SLC26A9: variants seen among roughly 807,000 people sequenced by gnomAD.
SLC26A9 encodes anion transporter/exchanger protein 9.
A neutral mutation model predicts 87.1 loss-of-function variants in SLC26A9; 46 were observed. That is an observed-to-expected ratio of 0.53 (90% confidence interval 0.42 to 0.67). The LOEUF (loss-of-function observed/expected upper bound fraction) is 0.67, where lower values mean the gene tolerates loss of function less well. Ranked by LOEUF, SLC26A9 falls within the 30% of genes least tolerant of loss-of-function variation. The pLI, the probability that SLC26A9 is intolerant of heterozygous loss-of-function variation, is 0.00. For synonymous variants in SLC26A9, 437 were observed against 409.1 expected (o/e 1.07, Z -0.82); for missense variants, 927 against 1,018.3 (o/e 0.91, Z 1.22).
intron 1 of SLC26A9, among the ~76,000 whole-genome samples, chr1:205,942,936 A>G (rs144657659): frequency 6.1e-4 from 93 of 152,342 alleles, no homozygotes; most frequent in Middle Eastern, 6.8e-3. Flanking sequence ...GGAGACAGCC[A>G]TGCAGAGTAG....
In SLC26A9 at chr1:205,915,284, A is replaced by G. The variant is rs1244231657; in HGVS notation, c.*73T>C. ...TTTCCTCCGCCCGACACCCCCTGTG[A>G]CCCCAGGCTCATCCTTTATGGAAGT... On this transcript the variant is annotated 3_prime_UTR_variant, in exon 21 of 21. Coordinates refer to ENST00000367135, the MANE Select transcript of SLC26A9 (RefSeq NM_052934.4). The G allele has an allele frequency of 4.4e-6, 7 of 1,607,774 alleles. No individual in the cohort carries two copies. Among genetic ancestry groups the G allele is most frequent in the Non-Finnish European group, 4.3e-6 (5 of 1,176,194 alleles).
intron 1 of SLC26A9, among the ~76,000 whole-genome samples, chr1:205,940,205 G>A (rs541817603): frequency 1.3e-5 from 2 of 152,242 alleles, no homozygotes; most frequent in East Asian, 1.9e-4. Context: ...TGCAGGGGTC[G>A]TGCGAGCCGG....
chr1:205,918,698 T>C (rs1658696779), intron 19 of SLC26A9, 142 bp downstream of exon 19: 2 of 1,079,550 alleles, frequency 1.9e-6, no homozygotes, highest in Non-Finnish European at 2.6e-6. Context: ...ATTCTATAGA[T>C]AAGGAAACAG....
chr1:205,924,866 A>T, intron 12 of SLC26A9: 1 of 173,148 alleles, frequency 5.8e-6, no homozygotes, highest in Non-Finnish European at 1.2e-5. Context: ...TGGCAAGATC[A>T]GCTCACTGGA....
At chr1:205,925,414 T>A (rs1440723483) in intron 12 of SLC26A9, among the ~76,000 whole-genome samples, 2 of 152,168 alleles carry the variant, frequency 1.3e-5, no homozygotes, top group African/African-American at 4.8e-5. Context: ...CTGCCCAGAT[T>A]CCTGTAGAGA....
At chr1:205,915,617 G>A (rs560279324) in intron 20 of SLC26A9, among the ~76,000 whole-genome samples, 1 of 152,168 alleles carries the variant, frequency 6.6e-6, no homozygotes, top group African/African-American at 2.4e-5. Context: ...CGTGGCAGGA[G>A]CAGGTGCTGA....
Position 205,921,547 on chromosome 1 carries a change from C to T in SLC26A9, c.2055+19G>A, listed in dbSNP as rs779055536. 1.1e-5 allele frequency: 17 copies of T among 1,597,912 alleles called. No homozygotes were observed. The highest frequency in any genetic ancestry group is 1.4e-5 in the Non-Finnish European group (17 of 1,176,546). ...GAGGGGGTGGAGTGGGTGGTGCTTG[C>T]TGTTCCCGAGGGCCTCACCTTGGCC... On this transcript the variant is annotated intron_variant, in intron 17 of 20. Transcript: ENST00000367135.
At chr1:205,929,103 C>T in intron 7 of SLC26A9, 101 bp downstream of exon 7, 2 of 1,533,454 alleles carry the variant, frequency 1.3e-6, no homozygotes, top group Non-Finnish European at 1.8e-6. Flanking sequence ...GACTTCCTGT[C>T]CCACTGGCTG....
intron 14 of SLC26A9, 38 bp downstream of exon 14, chr1:205,923,506 A>G: frequency 6.2e-7 from 1 of 1,614,100 alleles, no homozygotes; most frequent in Non-Finnish European, 8.5e-7. Flanking sequence ...GGGGTGGTGC[A>G]GAGCAAAAGA....
chr1:205,938,744 C>G (rs2036100), intron 1 of SLC26A9, among the ~76,000 whole-genome samples: 49,484 of 152,130 alleles, frequency 0.33, 9,975 homozygotes, highest in South Asian at 0.52. Flanking sequence ...CCTTCTCCTT[C>G]TTGCCTATGA....
At chr1:205,935,215 G>A (rs549244048) in intron 2 of SLC26A9, 2 of 153,142 alleles carry the variant, frequency 1.3e-5, no homozygotes, top group Admixed American at 1.3e-4. Flanking sequence ...CCTCAGGAAA[G>A]TTCAGAAATT....
chr1:205,935,847 GA>G lies in SLC26A9; in HGVS notation c.-18-10del. The G allele has an allele frequency of 6.2e-7, 1 of 1,607,664 alleles. No homozygotes were observed. The highest frequency in any genetic ancestry group is 8.5e-7 in the Non-Finnish European group (1 of 1,175,876). Reference sequence around the variant, plus strand: ...TCTGGGGCATTTACAAGCTTTGGGAGAAGCAGAGGAGGGGAGGGTGAGGGAA... The same window carrying G: ...TCTGGGGCATTTACAAGCTTTGGGAGAGCAGAGGAGGGGAGGGTGAGGGAA... On this transcript the variant is annotated splice_polypyrimidine_tract_variant and intron_variant, in intron 1 of 20. Coordinates refer to ENST00000367135, the MANE Select transcript of SLC26A9 (RefSeq NM_052934.4).
intron 10 of SLC26A9, 93 bp from the exon 11 acceptor site, chr1:205,927,381 A>G: frequency 6.4e-7 from 1 of 1,563,790 alleles, no homozygotes; most frequent in East Asian, 2.2e-5. Flanking sequence ...GTGGAGACTA[A>G]GACGGGAAGA....
At chr1:205,923,641 A>C (rs1382133932) in intron 13 of SLC26A9, 28 bp from the exon 14 acceptor site, 1 of 1,613,754 alleles carries the variant, frequency 6.2e-7, no homozygotes, top group Admixed American at 1.7e-5. Context: ...AGAAAAACAT[A>C]AGAGAATGCT....
chr1:205,931,730 G>A (rs1659315567), intron 5 of SLC26A9, 130 bp downstream of exon 5: 1 of 1,261,932 alleles, frequency 7.9e-7, no homozygotes, highest in Non-Finnish European at 1.1e-6. Flanking sequence ...GCCTCCCAAA[G>A]TGCTGGGATT....
chr1:205,935,040 G>A (rs1659452503), intron 2 of SLC26A9: 1 of 152,396 alleles, frequency 6.6e-6, no homozygotes, highest in Non-Finnish European at 1.5e-5. Context: ...AGGAGTCTGG[G>A]AATGGGGAGG....
At chr1:205,924,235 G>A (rs1329299930) in intron 13 of SLC26A9, 148 bp downstream of exon 13, 3 of 672,372 alleles carry the variant, frequency 4.5e-6, no homozygotes, top group African/African-American at 1.8e-5. Flanking sequence ...TGGCTGGGTT[G>A]GGCTCTCTTT....
chr1:205,915,158 A>AT lies in SLC26A9; in HGVS notation c.*198_*199insA. On this transcript the variant is annotated 3_prime_UTR_variant, in exon 21 of 21. Coordinates refer to ENST00000367135, the MANE Select transcript of SLC26A9 (RefSeq NM_052934.4). ...AGACTCTCACTCCTGTAAGGGTAGC[A>AT]CCCCCCTGCTGCTGAGAGGCTCTCT... 1.2e-6 allele frequency: 2 copies of AT among 1,612,088 alleles called. No homozygotes were observed. Among genetic ancestry groups the AT allele is most frequent in the Non-Finnish European group, 1.7e-6 (2 of 1,178,890 alleles).
Position 205,923,545 on chromosome 1 carries a change from C to G in SLC26A9, c.1565G>C (p.Arg522Thr). ...DIYVNPKTYN[R>T]AQDIQGIKII... ...AGGTCATAAGCTTGAATTACCTACCCTATTATAGGTCTTGGGATTCACATA... is the reference window on the plus strand; with the variant it reads ...AGGTCATAAGCTTGAATTACCTACCGTATTATAGGTCTTGGGATTCACATA... Residue 522 changes from arginine to threonine, a missense_variant and splice_region_variant, in exon 14 of 21, where the codon AGG (arginine) becomes ACG (threonine). Coordinates refer to ENST00000367135, the MANE Select transcript of SLC26A9 (RefSeq NM_052934.4). The G allele has an allele frequency of 6.2e-7, 1 of 1,614,170 alleles. No individual in the cohort carries two copies. Among genetic ancestry groups the G allele is most frequent in the Non-Finnish European group, 8.5e-7 (1 of 1,180,048 alleles).
Sources: allele counts gnomAD v4.1 joint callset (sites outside exome capture counted in the v4.1 genomes callset), GRCh38; gene constraint gnomAD v4.1.1; transcripts MANE v1.5; gene names NCBI Gene and HGNC (gene_info 2026-07-23, HGNC 2026-07-21).